DNAH3: variants seen among roughly 807,000 people sequenced by gnomAD.
The protein encoded by DNAH3 is axonemal beta dynein heavy chain 3.
In DNAH3, 332 loss-of-function variants were observed where a neutral mutation model predicts 432.5. That is an observed-to-expected ratio of 0.77 (90% confidence interval 0.70 to 0.84). The LOEUF is 0.84. DNAH3 is among the 40% of genes least tolerant of loss of function. DNAH3 has a pLI of 0.00. For missense variants in DNAH3, 4,861 were observed against 5,114.0 expected, an observed-to-expected ratio of 0.95 and a Z score of 1.51; for synonymous variants, 1,956 against 1,900.2, an observed-to-expected ratio of 1.03 and a Z score of -0.76.
At position 21,055,131 on chromosome 16, in the gene DNAH3, TTTTA is replaced by T. The variant is rs760961066; in HGVS notation, c.3925-601_3925-598del. Among the ~76,000 whole-genome samples, 16 of 151,634 alleles carry T rather than the reference TTTTA, an allele frequency of 1.1e-4. No homozygotes were observed. The South Asian group carries it at 2.7e-3, about 26-fold the overall frequency. On this transcript the variant is annotated intron_variant, in intron 27 of 61. Transcript: ENST00000261383. ...AAAAGACAGTAGGGCAATTGGCTAA[TTTTA>T]TTTATTTATTTATTTATTTTGAGAC...
At chr16:21,023,472 G>A (rs1878048871) in intron 39 of DNAH3, among the ~76,000 whole-genome samples, 1 of 152,152 alleles carries the variant, frequency 6.6e-6, no homozygotes, top group Non-Finnish European at 1.5e-5. Context: ...TCCTGGAGGA[G>A]GAGATTTTTA....
intron 6 of DNAH3, among the ~76,000 whole-genome samples, chr16:21,134,995 C>T (rs955179691): frequency 2.6e-4 from 39 of 152,208 alleles, no homozygotes; most frequent in African/African-American, 8.9e-4. Flanking sequence ...GCCTTAGCTT[C>T]AACTCTTAGA....
intron 48 of DNAH3, 66 bp downstream of exon 48, chr16:20,984,983 C>A: frequency 2.2e-6 from 3 of 1,357,978 alleles, no homozygotes; most frequent in Non-Finnish European, 3.0e-6. Context: ...TTGGCCTGCT[C>A]AGGGCACTCA....
In DNAH3 at chr16:20,933,341, T is replaced by C. The variant is rs771569479; in HGVS notation, c.12164A>G (p.Glu4055Gly). 3 of 1,614,030 alleles carry C rather than the reference T, an allele frequency of 1.9e-6. No homozygotes were observed. In the African/African-American group the frequency reaches 4.0e-5, roughly 22 times the overall value. Residue 4055 changes from glutamate (E) to glycine (G), a missense_variant, in exon 62 of 62, where the codon GAG (glutamate) becomes GGG (glycine). By Grantham distance (98) the Glu-to-Gly change is moderately conservative. Transcript: ENST00000261383. ...GTCCTGATGCAGAAACATTGCGCTCTCCCCAGGTTTCAGCCAAATGATGGG... is the reference window on the plus strand; with the variant it reads ...GTCCTGATGCAGAAACATTGCGCTCCCCCCAGGTTTCAGCCAAATGATGGG...
chr16:20,986,372 G>A (rs893308601), intron 47 of DNAH3, among the ~76,000 whole-genome samples: 2 of 151,898 alleles, frequency 1.3e-5, no homozygotes, highest in African/African-American at 4.8e-5. Context: ...ACTGGGCATC[G>A]TGGTGCACAC....
rs1389421790 is a variant in DNAH3, at chr16:21,017,707, CCTGT to C, written c.6022+1913_6022+1916del. On this transcript the variant is annotated intron_variant, in intron 41 of 61. Transcript: ENST00000261383. ...AATAAACTTTCTAAATTAACTGAGA[CCTGT>C]CTCAGATTTTTGTGGTTCACAATCT... 4.6e-5 allele frequency among the ~76,000 whole-genome samples: 7 copies of C among 152,288 alleles called. No homozygotes were observed. In the East Asian group the frequency reaches 1.3e-3, roughly 29 times the overall value.
intron 54 of DNAH3, among the ~76,000 whole-genome samples, chr16:20,958,072 A>ATT (rs35285615): frequency 5.4e-4 from 74 of 138,064 alleles, no homozygotes; most frequent in African/African-American, 9.8e-4. Flanking sequence ...AAACAGTAGA[A>ATT]TTTTTTTTTT....
At chr16:20,971,944 G>A (rs923469872) in intron 51 of DNAH3, among the ~76,000 whole-genome samples, 9 of 152,224 alleles carry the variant, frequency 5.9e-5, no homozygotes, top group African/African-American at 2.2e-4. Context: ...TGTAGATGAA[G>A]AAACTGAAGC....
chr16:21,097,277 A>G, intron 18 of DNAH3, 78 bp downstream of exon 18: 1 of 1,557,774 alleles, frequency 6.4e-7, no homozygotes, highest in Non-Finnish European at 8.8e-7. Flanking sequence ...TCTTAAGTGC[A>G]AACCATATTT....
chr16:21,159,452 G>T (rs555999756), upstream of DNAH3: 1 of 1,612,512 alleles, frequency 6.2e-7, no homozygotes, highest in Admixed American at 1.7e-5. Context: ...CCCCCAACCA[G>T]AGATGTGACC....
chr16:21,050,176 G>T (rs1288270542), intron 29 of DNAH3, among the ~76,000 whole-genome samples, 158 bp from the exon 30 acceptor site: 1 of 152,118 alleles, frequency 6.6e-6, no homozygotes, highest in East Asian at 1.9e-4. Context: ...GATGACTTTT[G>T]CACCAACCAA....
At chr16:20,951,781 C>T (rs1284100661) in intron 56 of DNAH3, among the ~76,000 whole-genome samples, 1 of 138,024 alleles carries the variant, frequency 7.2e-6, no homozygotes, top group Non-Finnish European at 1.5e-5. Context: ...GTCTCTGTCA[C>T]CCAGGCTAGA....
chr16:20,953,022 G>T (rs1283621734), intron 55 of DNAH3, among the ~76,000 whole-genome samples: 1 of 152,170 alleles, frequency 6.6e-6, no homozygotes, highest in African/African-American at 2.4e-5. Flanking sequence ...AATGATAAAT[G>T]CCCATTGGGG....
At chr16:21,049,398 T>C (rs896173418) in intron 31 of DNAH3, among the ~76,000 whole-genome samples, 171 bp downstream of exon 31, 1 of 152,200 alleles carries the variant, frequency 6.6e-6, no homozygotes, top group Non-Finnish European at 1.5e-5. Context: ...GTATAAAACA[T>C]GCATCTGTCT....
chr16:20,957,432 A>G (rs1373261391), intron 54 of DNAH3, among the ~76,000 whole-genome samples: 1 of 152,142 alleles, frequency 6.6e-6, no homozygotes, highest in Non-Finnish European at 1.5e-5. Context: ...CACACTGTTT[A>G]GTTAGCTTGC....
chr16:21,042,537 C>T (rs569525927), intron 31 of DNAH3, among the ~76,000 whole-genome samples: 75 of 152,190 alleles, frequency 4.9e-4, no homozygotes, highest in Non-Finnish European at 8.4e-4. Flanking sequence ...TATTCATCAT[C>T]CAAAGAGAAT....
chr16:20,981,807 G>A (rs2085912657), intron 49 of DNAH3, among the ~76,000 whole-genome samples: 1 of 151,702 alleles, frequency 6.6e-6, no homozygotes, highest in Non-Finnish European at 1.5e-5. Context: ...AGAAACTAAG[G>A]AAACAGAGGT....
chr16:21,152,004 G>A (rs2092857680), intron 1 of DNAH3, among the ~76,000 whole-genome samples: 1 of 152,116 alleles, frequency 6.6e-6, no homozygotes, highest in Non-Finnish European at 1.5e-5. Flanking sequence ...AAAGGCTGAG[G>A]TGGATGGATC....
intron 41 of DNAH3, among the ~76,000 whole-genome samples, chr16:21,008,033 T>C (rs981698999): frequency 6.6e-6 from 1 of 152,356 alleles, no homozygotes; most frequent in African/African-American, 2.4e-5. Flanking sequence ...CTTTCTGGAC[T>C]GTCAATTCTA....
Sources: allele counts gnomAD v4.1 joint callset (sites outside exome capture counted in the v4.1 genomes callset), GRCh38; gene constraint gnomAD v4.1.1; transcripts MANE v1.5; gene names NCBI Gene and HGNC (gene_info 2026-07-23, HGNC 2026-07-21).